The following PCDHGA8 variants were observed in gnomAD, a reference collection of about 807,000 sequenced individuals.
PCDHGA8 encodes the protein protocadherin gamma-A8.
Under a neutral mutation model 59.2 loss-of-function variants are expected in PCDHGA8, and 45 were observed. The ratio of observed to expected loss-of-function variants is 0.76; its 90% CI spans 0.60 to 0.98. The LOEUF (loss-of-function observed/expected upper bound fraction) is 0.98. PCDHGA8 is among the 50% of genes least tolerant of loss of function. The pLI is 0.00. For missense variants in PCDHGA8, 1,257 were observed against 1,196.2 expected (o/e 1.05, Z -0.75); for synonymous variants, 531 against 519.0 (o/e 1.02, Z -0.32).
chr5:141,428,091 T>A lies in PCDHGA8; in HGVS notation c.2424+32854T>A, dbSNP rs769710543. 1.1e-5 allele frequency: 17 copies of A among 1,609,000 alleles called. No homozygotes were observed. In the African/African-American group the frequency reaches 1.5e-4, roughly 14 times the overall value. On this transcript the variant is annotated intron_variant, in intron 1 of 3. Transcript: ENST00000398604. ...AGATTCGGGACACAACGCTTGGCTGTCCTACCACGTGCTGCAGGCCATCGA... is the reference window on the plus strand; with the variant it reads ...AGATTCGGGACACAACGCTTGGCTGACCTACCACGTGCTGCAGGCCATCGA...
Position 141,432,410 on chromosome 5 carries a change from T to C in PCDHGA8, c.2424+37173T>C. On this transcript the variant is annotated intron_variant, in intron 1 of 3. Transcript: ENST00000398604. This position sits in a 1 kb window ranked among gnomAD's most constrained non-coding sequence, Gnocchi z 6.0. The stretch of plus-strand genomic sequence containing the variant: ...CAGCAGCAACGTGTCGTTGAGCCTG[T>C]TCGTGCTGGACCAGAACGACAATGC... 6.2e-7 allele frequency: 1 copy of C among 1,614,228 alleles called. No homozygotes were observed. Among genetic ancestry groups the C allele is most frequent in the East Asian group, 2.2e-5 (1 of 44,884 alleles).
At chr5:141,399,107 G>A in intron 1 of PCDHGA8, 1 of 1,613,794 alleles carries the variant, frequency 6.2e-7, no homozygotes, top group Non-Finnish European at 8.5e-7. Flanking sequence ...GTTGCACAAT[G>A]TACAGTTGAA....
rs1356739313 is a variant in PCDHGA8, at chr5:141,490,444, A to T, written c.2425-4363A>T. The T allele has an allele frequency of 6.2e-7, 1 of 1,614,194 alleles. No individual in the cohort carries two copies. Among genetic ancestry groups the T allele is most frequent in the Non-Finnish European group, 8.5e-7 (1 of 1,180,034 alleles). On this transcript the variant is annotated intron_variant, in intron 1 of 3. Transcript: ENST00000398604. The surrounding 1 kb of genome is among the most constrained non-coding windows in gnomAD (Gnocchi z 5.4). ...GCCATTTCAGATTAAGCCTTCTGAG[A>T]ACCACTACTCGCTGCTAACCAGCCA...
chr5:141,507,365 C>G (rs1279257057), intron 3 of PCDHGA8: 1 of 152,092 alleles, frequency 6.6e-6, no homozygotes, highest in African/African-American at 2.4e-5. Context: ...ACTGGGAGCC[C>G]TGTACTTTTA....
chr5:141,490,215 G>C lies in PCDHGA8; in HGVS notation c.2425-4592G>C. 6.2e-7 allele frequency: 1 copy of C among 1,614,254 alleles called. No individual in the cohort carries two copies. Among genetic ancestry groups the C allele is most frequent in the African/African-American group, 1.3e-5 (1 of 75,078 alleles). On this transcript the variant is annotated intron_variant, in intron 1 of 3. Coordinates refer to ENST00000398604, the MANE Select transcript of PCDHGA8 (RefSeq NM_032088.2). The surrounding 1 kb of genome is among the most constrained non-coding windows in gnomAD (Gnocchi z 5.4). ...AAATTCATGCAAGAGCCCGTGACCA[G>C]GGACAGCCTGCCATGGAGGGCCACT... is the stretch of plus-strand genomic sequence containing the variant.
intron 1 of PCDHGA8, among the ~76,000 whole-genome samples, chr5:141,484,740 G>GA (rs1047805396): frequency 2.0e-5 from 3 of 150,646 alleles, no homozygotes; most frequent in Admixed American, 1.3e-4. Context: ...GGTGTGTTAG[G>GA]AAAAAAAATG....
chr5:141,395,248 T>G lies in PCDHGA8; in HGVS notation c.2424+11T>G, dbSNP rs1300416039. The G allele has an allele frequency of 4.5e-6, 7 of 1,561,360 alleles. No individual in the cohort carries two copies. In the Admixed American group the frequency reaches 1.4e-4, roughly 31 times the overall value. On this transcript the variant is annotated intron_variant, in intron 1 of 3. Transcript: ENST00000398604. ...GCTGATCATGGTCAGGTGAGTTTAG[T>G]TCTTTGCTTGCTTTTAATTTCCAGA...
chr5:141,477,258 C>A lies in PCDHGA8; in HGVS notation c.2425-17549C>A. ...TTGCTCAGTGTGACTGACCTGGATG[C>A]TGGCGAGAACGGGCTGGTGACCTGC... On this transcript the variant is annotated intron_variant, in intron 1 of 3. Coordinates refer to ENST00000398604, the MANE Select transcript of PCDHGA8 (RefSeq NM_032088.2). The surrounding 1 kb of genome is among the most constrained non-coding windows in gnomAD (Gnocchi z 4.9). 6.2e-7 allele frequency: 1 copy of A among 1,614,208 alleles called. No homozygotes were observed. Among genetic ancestry groups the A allele is most frequent in the Non-Finnish European group, 8.5e-7 (1 of 1,180,042 alleles).
chr5:141,455,541 A>G (rs2098825752), intron 1 of PCDHGA8, among the ~76,000 whole-genome samples: 1 of 152,134 alleles, frequency 6.6e-6, no homozygotes, highest in African/African-American at 2.4e-5. Context: ...CATATCATTC[A>G]CGTAGCCCGA....
intron 1 of PCDHGA8, 160 bp downstream of exon 1, chr5:141,395,397 A>C: frequency 1.1e-6 from 1 of 895,314 alleles, no homozygotes; most frequent in Non-Finnish European, 1.6e-6. Flanking sequence ...TTGAACTCTA[A>C]TAGTCATAGG....
Position 141,448,649 on chromosome 5 carries a change from T to C in PCDHGA8, c.2425-46158T>C, listed in dbSNP as rs181402439. 1.4e-3 allele frequency among the ~76,000 whole-genome samples: 218 copies of C among 152,220 alleles called. 1 individual carries two copies. Among genetic ancestry groups the C allele is most frequent in the African/African-American group, 5.0e-3 (206 of 41,530 alleles). On this transcript the variant is annotated intron_variant, in intron 1 of 3. Transcript: ENST00000398604. ...CTTCACATTATATCCTTTAAAAATA[T>C]TTCCATATTGGCCGGGCGCGGTGGC...
chr5:141,474,244 A>G (rs910247549), intron 1 of PCDHGA8, among the ~76,000 whole-genome samples: 26 of 152,270 alleles, frequency 1.7e-4, no homozygotes, highest in Non-Finnish European at 3.2e-4. Context: ...TGAATAGGGG[A>G]AAAAAAGACT....
At chr5:141,504,302 C>T (rs969760258) in intron 2 of PCDHGA8, among the ~76,000 whole-genome samples, 9 of 152,004 alleles carry the variant, frequency 5.9e-5, no homozygotes, top group African/African-American at 1.5e-4. Context: ...TTTCAACACT[C>T]GGAGTTTCTA....
At chr5:141,407,347 TG>T (rs1273387665) in intron 1 of PCDHGA8, among the ~76,000 whole-genome samples, 1 of 152,176 alleles carries the variant, frequency 6.6e-6, no homozygotes, top group Non-Finnish European at 1.5e-5. Flanking sequence ...TATGTTAATT[TG>T]GGGAAAACAT....
At chr5:141,452,472 A>C (rs995927368) in intron 1 of PCDHGA8, among the ~76,000 whole-genome samples, 6 of 152,170 alleles carry the variant, frequency 3.9e-5, no homozygotes, top group Non-Finnish European at 8.8e-5. Flanking sequence ...AGCTAGGAAA[A>C]ACACACATAA....
chr5:141,427,129 T>A lies in PCDHGA8; in HGVS notation c.2424+31892T>A, dbSNP rs752552669. ...GAGATCACCTACTCTTTCAAATCCC[T>A]ACGAGATGATATTGGAAATATGTTT... On this transcript the variant is annotated intron_variant, in intron 1 of 3. Coordinates refer to ENST00000398604, the MANE Select transcript of PCDHGA8 (RefSeq NM_032088.2). 125 of 457,106 alleles carry A rather than the reference T, an allele frequency of 2.7e-4. 2 individuals are homozygous for A. Among genetic ancestry groups the A allele is most frequent in the Non-Finnish European group, 4.0e-5 (9 of 227,024 alleles). The allele number at this position is 457,106 out of a possible 1,614,324, so 28.3% of individuals were successfully genotyped here.
intron 1 of PCDHGA8, chr5:141,422,627 C>T: frequency 6.2e-7 from 1 of 1,613,350 alleles, no homozygotes; most frequent in Non-Finnish European, 8.5e-7. Flanking sequence ...GAAAACAACC[C>T]CAGGGGTGCC....
Position 141,489,819 on chromosome 5 carries a change from G to T in PCDHGA8, c.2425-4988G>T. On this transcript the variant is annotated intron_variant, in intron 1 of 3. Transcript: ENST00000398604. This position sits in a 1 kb window ranked among gnomAD's most constrained non-coding sequence, Gnocchi z 4.5. ...TAAAAGATGGGAAGCCATTCCCAGA[G>T]CTGGTGCTAGAGCAGCAGCTGGATC... 6.2e-7 allele frequency: 1 copy of T among 1,614,190 alleles called. No homozygotes were observed.
chr5:141,409,953 CCGG>C (rs1418234891), intron 1 of PCDHGA8: 2 of 1,613,280 alleles, frequency 1.2e-6, no homozygotes, highest in Non-Finnish European at 1.7e-6. Flanking sequence ...TCTGCAGAGC[CCGG>C]CTACCTAGTG....
Sources: gnomAD v4.1 joint callset for allele counts (sites outside exome capture counted in the v4.1 genomes callset) on GRCh38, gnomAD v4.1.1 for gene constraint, Gnocchi (gnomAD v3.1) non-coding constraint, MANE v1.5 for transcripts, NCBI Gene and HGNC (gene_info 2026-07-23, HGNC 2026-07-21) for gene names.